The following CSTL1 variants were observed in gnomAD, a reference collection of about 807,000 sequenced individuals.
CSTL1 encodes cystatin like 1.
In CSTL1, 14 loss-of-function variants were observed where a neutral mutation model predicts 14.4. The observed-to-expected ratio is 0.97, with a 90% CI of 0.64 to 1.52. CSTL1 has a LOEUF of 1.52. CSTL1 is among the 40% of genes most tolerant of loss of function. The pLI is 0.00. For missense variants in CSTL1, 170 were observed against 168.7 expected (o/e 1.01, Z -0.04); for synonymous variants, 72 against 67.5 (o/e 1.07, Z -0.33).
At chr20:23,452,745 G>A in the CSTL1 span, 1 of 1,614,176 alleles carries the variant, frequency 6.2e-7, no homozygotes, top group Non-Finnish European at 8.5e-7. Context: ...GCTTGGTAGG[G>A]GAGGGCCATC....
chr20:23,443,186 A>C (rs1986877827), intron 2 of CSTL1, among the ~76,000 whole-genome samples: 1 of 152,238 alleles, frequency 6.6e-6, no homozygotes, highest in African/African-American at 2.4e-5. Flanking sequence ...CAGAGTCTGC[A>C]GGGGGTAAAG....
chr20:23,441,438 GATA>G (rs1986828513), intron 2 of CSTL1, among the ~76,000 whole-genome samples: 1 of 152,196 alleles, frequency 6.6e-6, no homozygotes, highest in Non-Finnish European at 1.5e-5. Flanking sequence ...CTCAAGGTCA[GATA>G]ATAAACTATA....
the CSTL1 span, among the ~76,000 whole-genome samples, chr20:23,455,541 G>T: frequency 6.6e-6 from 1 of 152,230 alleles, no homozygotes; most frequent in African/African-American, 2.4e-5. Flanking sequence ...GGCTCACAAA[G>T]AATCCCTCCT....
chr20:23,457,099 C>T, the CSTL1 span, among the ~76,000 whole-genome samples: 4 of 152,320 alleles, frequency 2.6e-5, no homozygotes, highest in Middle Eastern at 3.4e-3. Context: ...CTCTCCCTTC[C>T]GGCTGCCGGT....
intron 2 of CSTL1, among the ~76,000 whole-genome samples, chr20:23,442,707 T>A (rs1986863916): frequency 6.6e-6 from 1 of 152,102 alleles, no homozygotes; most frequent in Non-Finnish European, 1.5e-5. Context: ...TGTCCCAGTG[T>A]TTGCTAAGGG....
At position 23,443,929 on chromosome 20, in the gene CSTL1, G is replaced by T. The variant is rs6083126; in HGVS notation, c.220-5G>T. On this transcript the variant is annotated splice_region_variant and splice_polypyrimidine_tract_variant and intron_variant, in intron 2 of 3. Coordinates refer to ENST00000347397, the MANE Select transcript of CSTL1 (RefSeq NM_138283.1). The stretch of plus-strand genomic sequence containing the variant: ...CACACTAACAGCACAACTGATTCTC[G>T]GCAGCTGACGACGGGAGTGGAGTAT... 1.2e-6 allele frequency: 2 copies of T among 1,610,198 alleles called. No homozygotes were observed. Among genetic ancestry groups the T allele is most frequent in the Non-Finnish European group, 1.7e-6 (2 of 1,176,666 alleles).
chr20:23,452,608 G>C, the CSTL1 span: 1 of 1,613,278 alleles, frequency 6.2e-7, no homozygotes, highest in Non-Finnish European at 8.5e-7. Context: ...TAAGGACTCG[G>C]AAGATCCTGA....
At chr20:23,452,897 G>T in the CSTL1 span, 4 of 1,052,208 alleles carry the variant, frequency 3.8e-6, no homozygotes, top group South Asian at 3.1e-5. Context: ...GCCCTGGCAG[G>T]ATTTAAGAGC....
At chr20:23,454,692 G>T in the CSTL1 span, among the ~76,000 whole-genome samples, 3 of 152,338 alleles carry the variant, frequency 2.0e-5, no homozygotes, top group African/African-American at 7.2e-5. Context: ...TGAGAAGCTG[G>T]GCATCAGTTG....
downstream of CSTL1, among the ~76,000 whole-genome samples, chr20:23,448,161 A>G (rs934555298): frequency 1.3e-5 from 2 of 152,174 alleles, no homozygotes; most frequent in Non-Finnish European, 2.9e-5. Context: ...ACTCTACCCA[A>G]TGTGTATTTC....
chr20:23,460,471 G>A, the CSTL1 span, among the ~76,000 whole-genome samples: 2 of 152,124 alleles, frequency 1.3e-5, no homozygotes, highest in African/African-American at 2.4e-5. Flanking sequence ...CCCATTTGTT[G>A]AATAGTTATC....
At chr20:23,445,122 G>A (rs59499588), downstream of CSTL1, among the ~76,000 whole-genome samples, 4 of 151,074 alleles carry the variant, frequency 2.6e-5, no homozygotes, top group African/African-American at 4.9e-5. Context: ...TCATCCACCC[G>A]CCCACCCACT....
downstream of CSTL1, among the ~76,000 whole-genome samples, chr20:23,447,467 C>CTTTTTTTTTT (rs34114094): frequency 7.3e-6 from 1 of 136,806 alleles, no homozygotes; most frequent in Non-Finnish European, 1.6e-5. Context: ...TTTTCTTTTT[C>CTTTTTTTTTT]TTTTTTTTTT....
chr20:23,452,682 C>T, the CSTL1 span: 14 of 1,613,974 alleles, frequency 8.7e-6, no homozygotes, highest in Middle Eastern at 1.6e-4. Flanking sequence ...CTGTCCTTCG[C>T]ATAGTTTTCT....
intron 2 of CSTL1, 80 bp from the exon 3 acceptor site, chr20:23,443,854 C>A: frequency 9.8e-7 from 1 of 1,019,574 alleles, no homozygotes; most frequent in Non-Finnish European, 1.5e-6. Flanking sequence ...GAGCTTTACT[C>A]TCAGTCCTAG....
rs570240178 is a variant in CSTL1, at chr20:23,440,277, G to T, written c.10G>T (p.Gly4Ter). 1 of 1,614,040 alleles carries T rather than the reference G, an allele frequency of 6.2e-7. No individual in the cohort carries two copies. Among genetic ancestry groups the T allele is most frequent in the East Asian group, 2.2e-5 (1 of 44,876 alleles). ...TTCTGAGGCTGTAGACATGGGGATC[G>T]GATGCTGGAGAAACCCCCTGCTGCT... MGI[G>*]CWRNPLLLLI... Residue 4 changes from glycine (G) to a stop codon, truncating the protein, a stop_gained, in exon 2 of 4, where the codon GGA (glycine) becomes TGA (stop). Coordinates refer to ENST00000347397, the MANE Select transcript of CSTL1 (RefSeq NM_138283.1). LOFTEE classifies it high-confidence loss of function.
At chr20:23,453,686 T>C in the CSTL1 span, among the ~76,000 whole-genome samples, 4 of 152,082 alleles carry the variant, frequency 2.6e-5, no homozygotes, top group Non-Finnish European at 5.9e-5. Context: ...GAAGATGCGA[T>C]ATAAAAATGT....
At chr20:23,452,951 C>T in the CSTL1 span, 1 of 640,136 alleles carries the variant, frequency 1.6e-6, no homozygotes, top group Non-Finnish European at 2.7e-6. Context: ...TCCTCCTCCC[C>T]CTTCATCAGC....
In CSTL1 at chr20:23,444,852, G is replaced by C. The variant is rs76182203; in HGVS notation, c.412G>C (p.Glu138Gln). The C allele has an allele frequency of 1.4e-3, 2,248 of 1,613,376 alleles. 31 individuals are homozygous for C. The African/African-American group carries it at 0.027, about 19-fold the overall frequency. Residue 138 changes from glutamate to glutamine, a missense_variant, in exon 4 of 4, where the codon GAG becomes CAG. Transcript: ENST00000347397. ...CTGGAACAATTCCTGTCTGGAGGCCGAGCATGTGGGCAGAAACCTCAGATG... is the reference window on the plus strand; with the variant it reads ...CTGGAACAATTCCTGTCTGGAGGCCCAGCATGTGGGCAGAAACCTCAGATG... Reference protein sequence around the residue: ...QLWNNSCLEAEHVGRNLR With the variant: ...QLWNNSCLEAQHVGRNLR
Sources: gnomAD v4.1 joint callset for allele counts (sites outside exome capture counted in the v4.1 genomes callset) on GRCh38, gnomAD v4.1.1 for gene constraint, MANE v1.5 for transcripts, NCBI Gene and HGNC (gene_info 2026-07-23, HGNC 2026-07-21) for gene names.